NRXN1: variants seen among roughly 807,000 people sequenced by gnomAD.
The protein encoded by NRXN1 is neurexin-1.
In NRXN1, 39 loss-of-function variants were observed where a neutral mutation model predicts 150.9. The observed-to-expected ratio is 0.26, with a 90% CI of 0.20 to 0.34. The LOEUF (loss-of-function observed/expected upper bound fraction) is 0.34, where lower values mean the gene tolerates loss of function less well. Among genes scored for constraint, NRXN1 ranks in the 10% least tolerant of loss-of-function variants. NRXN1 has a pLI of 1.00. For missense variants in NRXN1, 1,815 were observed against 1,949.9 expected, an observed-to-expected ratio of 0.93 and a Z score of 1.30; for synonymous variants, 924 against 757.0, an observed-to-expected ratio of 1.22 and a Z score of -3.62.
intron 18 of NRXN1, among the ~76,000 whole-genome samples, chr2:50,112,338 T>C (rs1332441930): frequency 6.6e-6 from 1 of 152,156 alleles, no homozygotes; most frequent in Non-Finnish European, 1.5e-5. Flanking sequence ...AAGATGAAAT[T>C]TACATAGGAG....
At chr2:50,884,647 T>G (rs1679950214) in intron 5 of NRXN1, among the ~76,000 whole-genome samples, 1 of 151,386 alleles carries the variant, frequency 6.6e-6, no homozygotes, top group East Asian at 2.0e-4. Context: ...TCCATGAAAG[T>G]GTAGTAATAT....
intron 18 of NRXN1, among the ~76,000 whole-genome samples, chr2:50,119,920 G>A (rs1202092994): frequency 6.6e-6 from 1 of 152,114 alleles, no homozygotes; most frequent in Non-Finnish European, 1.5e-5. Context: ...TCTCTCTCAT[G>A]GGTTTGTTTT....
At chr2:50,168,504 A>G (rs1221106532) in intron 18 of NRXN1, among the ~76,000 whole-genome samples, 1 of 152,214 alleles carries the variant, frequency 6.6e-6, no homozygotes, top group Non-Finnish European at 1.5e-5. Flanking sequence ...AAAAGCTATT[A>G]GGAAGTATAT....
intron 21 of NRXN1, among the ~76,000 whole-genome samples, chr2:49,981,324 A>G (rs1444043818): frequency 6.6e-6 from 1 of 152,110 alleles, no homozygotes; most frequent in Non-Finnish European, 1.5e-5. Flanking sequence ...AGCACTCATC[A>G]AAAAACCATA....
chr2:50,106,393 CTT>C (rs1372641807), intron 18 of NRXN1, among the ~76,000 whole-genome samples: 1 of 151,978 alleles, frequency 6.6e-6, no homozygotes, highest in Non-Finnish European at 1.5e-5. Flanking sequence ...CCCCAAAACT[CTT>C]TCTCCTTAAT....
chr2:50,076,467 A>G (rs962404627), intron 19 of NRXN1, among the ~76,000 whole-genome samples: 1 of 152,206 alleles, frequency 6.6e-6, no homozygotes, highest in South Asian at 2.1e-4. Flanking sequence ...TTTAAACATC[A>G]AACAACCTTA....
intron 5 of NRXN1, among the ~76,000 whole-genome samples, chr2:50,655,630 AG>A (rs1686328087): frequency 6.6e-6 from 1 of 150,848 alleles, no homozygotes; most frequent in South Asian, 2.1e-4. Context: ...AATGAGGAAT[AG>A]TTATATTTTT....
chr2:50,239,627 G>A (rs1312780904), intron 17 of NRXN1, among the ~76,000 whole-genome samples: 5 of 127,738 alleles, frequency 3.9e-5, no homozygotes, highest in African/African-American at 1.5e-4. Context: ...AATTGGCAGA[G>A]TTGGTATAAA....
intron 2 of NRXN1, among the ~76,000 whole-genome samples, chr2:50,968,216 G>T (rs1210740281): frequency 6.6e-6 from 1 of 151,794 alleles, no homozygotes; most frequent in Non-Finnish European, 1.5e-5. Flanking sequence ...TTTCATTTTG[G>T]TACATGATCC....
chr2:50,980,262 T>C (rs1251684776), intron 2 of NRXN1, among the ~76,000 whole-genome samples: 1 of 152,096 alleles, frequency 6.6e-6, no homozygotes, highest in Non-Finnish European at 1.5e-5. Context: ...CCCCACTACA[T>C]GTGCCTGAAG....
intron 17 of NRXN1, among the ~76,000 whole-genome samples, chr2:50,441,014 T>C (rs557313672): frequency 5.9e-5 from 9 of 152,288 alleles, no homozygotes; most frequent in Non-Finnish European, 1.2e-4. Flanking sequence ...GCCAGACACA[T>C]TAACACAGAT....
chr2:50,487,463 G>C (rs1395783936), intron 15 of NRXN1, among the ~76,000 whole-genome samples: 2 of 152,280 alleles, frequency 1.3e-5, no homozygotes, highest in African/African-American at 4.8e-5. Flanking sequence ...AGGAGCACTG[G>C]AAGTACCCTC....
chr2:50,162,452 C>G (rs1260167284), intron 18 of NRXN1, among the ~76,000 whole-genome samples: 1 of 152,088 alleles, frequency 6.6e-6, no homozygotes, highest in South Asian at 2.1e-4. Context: ...GATGTTTACA[C>G]AGCAACTCCT....
intron 17 of NRXN1, among the ~76,000 whole-genome samples, chr2:50,339,986 G>T (rs1233551326): frequency 6.6e-6 from 1 of 152,140 alleles, no homozygotes; most frequent in Middle Eastern, 3.2e-3. Flanking sequence ...TTTAAATCCA[G>T]TGGGTTTTGT....
chr2:50,024,447 A>G (rs1000097792), intron 21 of NRXN1, among the ~76,000 whole-genome samples: 2 of 152,164 alleles, frequency 1.3e-5, no homozygotes, highest in African/African-American at 4.8e-5. Context: ...TATGAGAAAC[A>G]TTACAATATA....
At chr2:50,760,488 G>C (rs1157964319) in intron 5 of NRXN1, among the ~76,000 whole-genome samples, 1 of 151,690 alleles carries the variant, frequency 6.6e-6, no homozygotes, top group Non-Finnish European at 1.5e-5. Flanking sequence ...TGCAATGAGG[G>C]GAACCATCTT....
intron 8 of NRXN1, among the ~76,000 whole-genome samples, chr2:50,613,881 T>G (rs1177790845): frequency 6.6e-6 from 1 of 152,164 alleles, no homozygotes; most frequent in East Asian, 1.9e-4. Context: ...GAGCTTGCAG[T>G]AAGCCAAGAT....
chr2:50,816,175 G>A (rs1295174511), intron 5 of NRXN1, among the ~76,000 whole-genome samples: 3 of 151,944 alleles, frequency 2.0e-5, no homozygotes, highest in Non-Finnish European at 4.4e-5. Context: ...ATAATAATGA[G>A]TCAAAGTCAT....
chr2:50,306,789 C>T (rs889472883), intron 17 of NRXN1, among the ~76,000 whole-genome samples: 4 of 152,122 alleles, frequency 2.6e-5, no homozygotes, highest in African/African-American at 9.7e-5. Context: ...AGAGTGTTGG[C>T]TTAGATGGAG....
Sources: gnomAD v4.1 joint callset for allele counts (sites outside exome capture counted in the v4.1 genomes callset) on GRCh38, gnomAD v4.1.1 for gene constraint, MANE v1.5 for transcripts, NCBI Gene and HGNC (gene_info 2026-07-23, HGNC 2026-07-21) for gene names.